Variants in PRDM11 observed in about 807,000 individuals in gnomAD.
PRDM11 encodes the protein PR/SET domain 11, also known as PR domain-containing protein 11.
Under a neutral mutation model 97.8 loss-of-function variants are expected in PRDM11, and 20 were observed. The observed-to-expected ratio is 0.20, with a 90% CI of 0.14 to 0.30. PRDM11 has a LOEUF of 0.30. PRDM11 is among the 10% of genes least tolerant of loss of function. The probability of loss-of-function intolerance (pLI) is 1.00; values close to 1 mark genes in which losing one functional copy is unlikely to be tolerated. For synonymous variants in PRDM11, 599 were observed against 637.7 expected (o/e 0.94, Z 0.91); for missense variants, 1,139 against 1,555.2 (o/e 0.73, Z 4.50).
chr11:45,120,524 G>A (rs1359966171), intron 1 of PRDM11, among the ~76,000 whole-genome samples: 1 of 152,024 alleles, frequency 6.6e-6, no homozygotes, highest in African/African-American at 2.4e-5. Flanking sequence ...ACTGACCACT[G>A]GTCTTCACTA....
At position 45,167,124 on chromosome 11, in the gene PRDM11, A is replaced by AAAAATGG. The variant is rs1322486897; in HGVS notation, c.-6-14634_-6-14628dup. Reference sequence around the variant, plus strand: ...TAGAGAGGATTAAGTGAGATCATACAAAAATGGAATTCACTTTCACAAAGC... The same window carrying AAAAATGG: ...TAGAGAGGATTAAGTGAGATCATACAAAAATGGAAAATGGAATTCACTTTCACAAAGC... On this transcript the variant is annotated intron_variant, in intron 1 of 7. Coordinates refer to ENST00000683152, the MANE Select transcript of PRDM11 (RefSeq NM_001384648.1). Among the ~76,000 whole-genome samples, 5 of 152,350 alleles carry AAAAATGG rather than the reference A, an allele frequency of 3.3e-5. No homozygotes were observed. In the East Asian group the frequency reaches 9.6e-4, roughly 29 times the overall value.
chr11:45,100,810 A>C (rs769149353), intron 1 of PRDM11, among the ~76,000 whole-genome samples: 1 of 152,190 alleles, frequency 6.6e-6, no homozygotes, highest in Non-Finnish European at 1.5e-5. Context: ...TATATTTTGC[A>C]TATTTTCTCT....
At chr11:45,104,458 G>A (rs1330230262) in intron 1 of PRDM11, among the ~76,000 whole-genome samples, 2 of 152,204 alleles carry the variant, frequency 1.3e-5, no homozygotes, top group Non-Finnish European at 2.9e-5. Context: ...TGCTGCTCAA[G>A]GTTGCTGTGA....
At chr11:45,102,437 T>C (rs1851993840) in intron 1 of PRDM11, among the ~76,000 whole-genome samples, 2 of 152,182 alleles carry the variant, frequency 1.3e-5, no homozygotes, top group South Asian at 4.1e-4. Context: ...AGACTAAAGT[T>C]CAGCCTTGCA....
rs75354529 is a variant in PRDM11 at position 45,161,318 on chromosome 11, G to A, written c.-7+14441G>A. Among the ~76,000 whole-genome samples the A allele has an allele frequency of 6.1e-3, 934 of 152,320 alleles. 10 individuals are homozygous for A. Among genetic ancestry groups the A allele is most frequent in the African/African-American group, 0.022 (899 of 41,570 alleles). ...CCTGTGCTCCCAGAGGGCAGTCTGC[G>A]TGGCTCCGGACTTGGTGACGGCTTT... On this transcript the variant is annotated intron_variant, in intron 1 of 7. Transcript: ENST00000683152.
At chr11:45,149,486 G>A (rs1245467749) in intron 1 of PRDM11, among the ~76,000 whole-genome samples, 1 of 152,226 alleles carries the variant, frequency 6.6e-6, no homozygotes, top group East Asian at 1.9e-4. Flanking sequence ...TGGGATGGGA[G>A]TGTCTGGTGG....
intron 1 of PRDM11, among the ~76,000 whole-genome samples, chr11:45,120,951 A>G (rs141987448): frequency 6.6e-6 from 1 of 152,302 alleles, no homozygotes; most frequent in African/African-American, 2.4e-5. Context: ...GCATTGTTCA[A>G]GAAGAAGTAA....
At chr11:45,194,655 G>A (rs1489325937) in intron 4 of PRDM11, among the ~76,000 whole-genome samples, 4 of 130,950 alleles carry the variant, frequency 3.1e-5, no homozygotes, top group South Asian at 2.7e-4. Flanking sequence ...CTGGAGTGCA[G>A]TGGCGGGATC....
chr11:45,163,234 G>T (rs1317559913), intron 1 of PRDM11, among the ~76,000 whole-genome samples: 1 of 152,200 alleles, frequency 6.6e-6, no homozygotes, highest in East Asian at 1.9e-4. Flanking sequence ...ACAGGCACTG[G>T]GCCAGCATGC....
chr11:45,143,211 C>A (rs1255591673), upstream of PRDM11, among the ~76,000 whole-genome samples: 2 of 152,216 alleles, frequency 1.3e-5, no homozygotes, highest in African/African-American at 2.4e-5. Context: ...GTGCAATAAA[C>A]AATGTCCTTG....
intron 1 of PRDM11, among the ~76,000 whole-genome samples, chr11:45,119,939 G>A (rs1373683365): frequency 2.0e-5 from 3 of 152,122 alleles, no homozygotes; most frequent in Non-Finnish European, 2.9e-5. Context: ...GGAGTTAGCA[G>A]TAAGGACATA....
chr11:45,165,219 C>A (rs1241357005), intron 1 of PRDM11, among the ~76,000 whole-genome samples: 1 of 152,154 alleles, frequency 6.6e-6, no homozygotes, highest in East Asian at 1.9e-4. Context: ...TTGTTCCTGC[C>A]CTCCTCGCCT....
chr11:45,183,240 A>G, intron 4 of PRDM11, 117 bp downstream of exon 4: 3 of 1,329,118 alleles, frequency 2.3e-6, no homozygotes, highest in Non-Finnish European at 2.0e-6. Flanking sequence ...TCGCTTCTGG[A>G]CCTGTCGATG....
intron 1 of PRDM11, among the ~76,000 whole-genome samples, chr11:45,150,248 C>T (rs918795638): frequency 2.0e-5 from 3 of 152,112 alleles, no homozygotes; most frequent in Non-Finnish European, 4.4e-5. Context: ...GGGAAGCCCT[C>T]CCTGATTAGG....
At chr11:45,152,549 G>T (rs1157018150) in intron 1 of PRDM11, among the ~76,000 whole-genome samples, 1 of 152,102 alleles carries the variant, frequency 6.6e-6, no homozygotes, top group Non-Finnish European at 1.5e-5. Flanking sequence ...TGTTACTTTT[G>T]TTCACTGCTG....
chr11:45,136,727 C>T (rs115952941), intron 1 of PRDM11, among the ~76,000 whole-genome samples: 3,635 of 152,272 alleles, frequency 0.024, 132 homozygotes, highest in African/African-American at 0.078. Context: ...CCCAACCCCA[C>T]CCAAGGCAGT....
intron 1 of PRDM11, among the ~76,000 whole-genome samples, chr11:45,168,398 C>A (rs1403854270): frequency 6.6e-6 from 1 of 152,132 alleles, no homozygotes; most frequent in African/African-American, 2.4e-5. Flanking sequence ...AAATAGAGAC[C>A]CCCAACTCCA....
intron 1 of PRDM11, among the ~76,000 whole-genome samples, chr11:45,179,899 C>T (rs1304134479): frequency 6.6e-6 from 1 of 152,188 alleles, no homozygotes; most frequent in Admixed American, 6.5e-5. Context: ...GGGGTACTGC[C>T]CATCCCAGTG....
intron 1 of PRDM11, among the ~76,000 whole-genome samples, chr11:45,161,080 T>A (rs955417577): frequency 4.6e-5 from 7 of 152,212 alleles, no homozygotes; most frequent in Non-Finnish European, 7.3e-5. Context: ...ACTCTGGGAA[T>A]GCCACATAAC....
Sources: allele counts gnomAD v4.1 joint callset (sites outside exome capture counted in the v4.1 genomes callset), GRCh38; gene constraint gnomAD v4.1.1; transcripts MANE v1.5; gene names NCBI Gene and HGNC (gene_info 2026-07-23, HGNC 2026-07-21).